ZNF875: variants seen among roughly 807,000 people sequenced by gnomAD.
The protein encoded by ZNF875 is zinc finger protein 875.
In ZNF875, 14 loss-of-function variants were observed where a neutral mutation model predicts 11.2. That is an observed-to-expected ratio of 1.26 (90% CI 0.83 to 1.96). The LOEUF is 1.96. Among genes scored for constraint, ZNF875 ranks in the 30% most tolerant of loss-of-function variants. ZNF875 has a pLI of 0.00. For missense variants in ZNF875, 752 were observed against 760.4 expected (o/e 0.99, Z 0.13); for synonymous variants, 301 against 281.1 (o/e 1.07, Z -0.71).
At chr19:37,356,901 T>G (rs2146544513) in intron 4 of ZNF875, among the ~76,000 whole-genome samples, 1 of 152,318 alleles carries the variant, frequency 6.6e-6, no homozygotes, top group African/African-American at 2.4e-5. Flanking sequence ...TTCTTTGCCT[T>G]GGCCAATGTC....
At chr19:37,339,314 A>G (rs1382959144) in intron 2 of ZNF875, among the ~76,000 whole-genome samples, 1 of 152,146 alleles carries the variant, frequency 6.6e-6, no homozygotes, top group African/African-American at 2.4e-5. Flanking sequence ...TATCCCACTG[A>G]AAATAATTTC....
At chr19:37,349,048 A>C (rs1315624431) in intron 4 of ZNF875, among the ~76,000 whole-genome samples, 3 of 152,152 alleles carry the variant, frequency 2.0e-5, no homozygotes, top group African/African-American at 7.2e-5. Flanking sequence ...CCTCTCCTCT[A>C]GCTTCTGGAG....
At position 37,358,970 on chromosome 19, in the gene ZNF875, G is replaced by A. The variant is rs576439349; in HGVS notation, c.257-3139G>A. On this transcript the variant is annotated intron_variant, in intron 4 of 4. Transcript: ENST00000392153. ...TGCTGGAGTGCAGTGGCACAATCTC[G>A]GCTCACTGCAACCTCTGCCTCCTGG... Among the ~76,000 whole-genome samples, 43 of 151,516 alleles carry A rather than the reference G, an allele frequency of 2.8e-4. 1 individual carries two copies. The South Asian group carries it at 4.0e-3, about 14-fold the overall frequency.
rs1464313970 is a variant in ZNF875 at position 37,363,698 on chromosome 19, T to C, written c.1846T>C (p.Tyr616His). 6 of 1,613,366 alleles carry C rather than the reference T, an allele frequency of 3.7e-6. No individual in the cohort carries two copies. The highest frequency in any genetic ancestry group is 5.1e-6 in the Non-Finnish European group (6 of 1,179,624). Reference protein sequence around the residue: ...HQRTHSGEKPYICRKCGRGFS... With the variant: ...HQRTHSGEKPHICRKCGRGFS... The stretch of plus-strand genomic sequence containing the variant: ...GAGGACACATTCAGGAGAGAAGCCT[T>C]ATATTTGCAGAAAGTGTGGACGGGG... The change falls in exon 5 of 5, where the codon TAT (tyrosine) becomes CAT (histidine). Residue 616 changes from tyrosine to histidine, a missense_variant. By Grantham distance (83) the Tyr-to-His change is moderately conservative. Transcript: ENST00000392153.
chr19:37,320,541 T>C (rs1298835380), intron 1 of ZNF875, among the ~76,000 whole-genome samples: 1 of 152,238 alleles, frequency 6.6e-6, no homozygotes, highest in Non-Finnish European at 1.5e-5. Context: ...ACCATCATTT[T>C]ATTATGTTTG....
intron 4 of ZNF875, among the ~76,000 whole-genome samples, chr19:37,327,777 A>T (rs1026106946): frequency 4.0e-5 from 6 of 151,616 alleles, no homozygotes; most frequent in Non-Finnish European, 7.4e-5. Flanking sequence ...AAAAAAAAAA[A>T]ATCATACTCG....
Position 37,336,152 on chromosome 19 carries a change from C to T in ZNF875, c.33+895C>T, listed in dbSNP as rs531231500. On this transcript the variant is annotated intron_variant, in intron 2 of 4. Transcript: ENST00000392153. ...GGAGGCCTCCTAGAAGTAGGGCTGT[C>T]TCAATTGCCCCTGACTGGTTTGTTA... is the stretch of plus-strand genomic sequence containing the variant. Among the ~76,000 whole-genome samples, 386 of 152,250 alleles carry T rather than the reference C, an allele frequency of 2.5e-3. 3 individuals are homozygous for T. The highest frequency in any genetic ancestry group is 9.1e-3 in the African/African-American group (377 of 41,538).
chr19:37,362,494 A>G lies in ZNF875; in HGVS notation c.642A>G (p.Val214=). 1 of 1,614,238 alleles carries G rather than the reference A, an allele frequency of 6.2e-7. No homozygotes were observed. The highest frequency in any genetic ancestry group is 1.7e-5 in the Admixed American group (1 of 60,032). The part of the protein sequence containing the change: ...RRADLEETDK[V]LHGLEVSGFG... ...CAGATCTAGAGGAAACAGACAAAGTATTGCATGGTTTAGAAGTCTCAGGAT... is the reference window on the plus strand; with the variant it reads ...CAGATCTAGAGGAAACAGACAAAGTGTTGCATGGTTTAGAAGTCTCAGGAT... The change falls in exon 5 of 5, where the codon GTA becomes GTG. Residue 214 remains valine, a synonymous_variant. Transcript: ENST00000392153.
chr19:37,338,086 G>A (rs191284316), intron 2 of ZNF875, among the ~76,000 whole-genome samples: 4 of 152,268 alleles, frequency 2.6e-5, no homozygotes, highest in South Asian at 4.1e-4. Flanking sequence ...ATCCAATTCA[G>A]GACATTTCCC....
intron 2 of ZNF875, among the ~76,000 whole-genome samples, chr19:37,323,208 C>A (rs542528944): frequency 6.6e-6 from 1 of 151,490 alleles, no homozygotes; most frequent in African/African-American, 2.4e-5. Context: ...GGCTGGAGTT[C>A]TGTGGCACCG....
At chr19:37,321,193 GC>G (rs2031363077) in intron 1 of ZNF875, among the ~76,000 whole-genome samples, 1 of 152,088 alleles carries the variant, frequency 6.6e-6, no homozygotes, top group Non-Finnish European at 1.5e-5. Context: ...CGTTCCCCCA[GC>G]CCGACACCTG....
upstream of ZNF875, chr19:37,315,422 G>A (rs1191334648): frequency 6.6e-6 from 1 of 152,200 alleles, no homozygotes; most frequent in Non-Finnish European, 1.5e-5. Flanking sequence ...CCCTGTGTTT[G>A]GGAACAGTCA....
upstream of ZNF875, among the ~76,000 whole-genome samples, chr19:37,332,629 T>G (rs1165983282): frequency 6.6e-6 from 1 of 152,278 alleles, no homozygotes; most frequent in African/African-American, 2.4e-5. Flanking sequence ...TCCAGTGTAT[T>G]TTCTGGTTTG....
At chr19:37,334,495 G>C (rs557739709), upstream of ZNF875, 86 of 323,272 alleles carry the variant, frequency 2.7e-4, 1 homozygote, top group Middle Eastern at 2.2e-3. Context: ...TCGTAAACTT[G>C]GTTGTGTGCG....
intron 4 of ZNF875, among the ~76,000 whole-genome samples, chr19:37,326,969 A>G (rs1340574218): frequency 6.6e-6 from 1 of 151,364 alleles, no homozygotes; most frequent in Non-Finnish European, 1.5e-5. Context: ...TGCACAACCT[A>G]GACAGCTTAT....
chr19:37,352,562 T>C (rs895909196), intron 4 of ZNF875, among the ~76,000 whole-genome samples: 1 of 152,128 alleles, frequency 6.6e-6, no homozygotes, highest in Non-Finnish European at 1.5e-5. Context: ...CTTTTTAATA[T>C]TTACTCTTTC....
At chr19:37,340,207 C>A (rs2035398002) in intron 2 of ZNF875, among the ~76,000 whole-genome samples, 1 of 152,132 alleles carries the variant, frequency 6.6e-6, no homozygotes, top group Non-Finnish European at 1.5e-5. Context: ...GTCTTGAACT[C>A]CTGACCTCTG....
At chr19:37,328,730 G>C (rs1324868399) in intron 4 of ZNF875, 1 of 152,174 alleles carries the variant, frequency 6.6e-6, no homozygotes, top group Non-Finnish European at 1.5e-5. Context: ...CACTCAGTGA[G>C]CTCTTCTCTC....
At chr19:37,322,738 T>C (rs1178954093) in intron 2 of ZNF875, among the ~76,000 whole-genome samples, 1 of 152,214 alleles carries the variant, frequency 6.6e-6, no homozygotes, top group Admixed American at 6.5e-5. Flanking sequence ...GAAATGCAGC[T>C]GTAAACACTT....
Sources: gnomAD v4.1 joint callset for allele counts (sites outside exome capture counted in the v4.1 genomes callset) on GRCh38, gnomAD v4.1.1 for gene constraint, MANE v1.5 for transcripts, NCBI Gene and HGNC (gene_info 2026-07-23, HGNC 2026-07-21) for gene names.